Variants in CHD7 observed in about 807,000 individuals in gnomAD.
The protein encoded by CHD7 is chromodomain helicase DNA binding protein 7.
A neutral mutation model predicts 307.3 loss-of-function variants in CHD7; 24 were observed. The observed-to-expected ratio is 0.08, with a 90% confidence interval of 0.06 to 0.11. The LOEUF (loss-of-function observed/expected upper bound fraction) is 0.11, where lower values mean the gene tolerates loss of function less well. Among genes scored for constraint, CHD7 ranks in the 10% least tolerant of loss-of-function variants. The probability of loss-of-function intolerance (pLI) is 1.00; values close to 1 mark genes in which losing one functional copy is unlikely to be tolerated. For missense variants in CHD7, 3,106 were observed against 3,727.1 expected (o/e 0.83, Z 4.34); for synonymous variants, 1,363 against 1,349.9 (o/e 1.01, Z -0.21).
In CHD7 at chr8:60,743,017, C is replaced by T. The variant is rs1412919986; in HGVS notation, c.1585C>T (p.Pro529Ser). Reference sequence around the variant, plus strand: ...CCCGGGCTTGCACCACCAGTCTTCACCTCCACACCCTCATCACCAGCCTTG... The same window carrying T: ...CCCGGGCTTGCACCACCAGTCTTCATCTCCACACCCTCATCACCAGCCTTG... ...PHPGLHHQSS[P>S]PHPHHQPWAQ... Residue 529 changes from proline (P) to serine (S), a missense_variant, in exon 2 of 38, where the codon CCT becomes TCT. Pro to Ser is a moderately conservative substitution (Grantham distance 74). Around this residue, in one of 10 missense-constraint regions of CHD7, gnomAD observed 998 missense variants for 1,004.5 expected, o/e 0.99. Coordinates refer to ENST00000423902, the MANE Select transcript of CHD7 (RefSeq NM_017780.4). 2.5e-6 allele frequency: 4 copies of T among 1,613,962 alleles called. No individual in the cohort carries two copies. The highest frequency in any genetic ancestry group is 2.2e-5 in the East Asian group (1 of 44,880).
intron 17 of CHD7, 59 bp from the exon 18 acceptor site, chr8:60,837,609 G>T (rs1458596413): frequency 7.2e-7 from 1 of 1,381,646 alleles, no homozygotes; most frequent in Non-Finnish European, 9.8e-7. Flanking sequence ...TATGAATTTG[G>T]TGGGGAGACA....
intron 1 of CHD7, among the ~76,000 whole-genome samples, chr8:60,735,303 C>T (rs1808648672): frequency 6.6e-6 from 1 of 152,164 alleles, no homozygotes; most frequent in Admixed American, 6.5e-5. Context: ...CGTAGCGTTG[C>T]CCTATACGAT....
intron 13 of CHD7, among the ~76,000 whole-genome samples, chr8:60,828,342 C>T (rs1027580328): frequency 6.6e-6 from 1 of 152,104 alleles, no homozygotes; most frequent in African/African-American, 2.4e-5. Context: ...AGGAAAAAAA[C>T]TTAACTGGTG....
chr8:60,845,154 C>T (rs1373831583), intron 22 of CHD7, 91 bp downstream of exon 22: 19 of 1,569,344 alleles, frequency 1.2e-5, no homozygotes, highest in Non-Finnish European at 1.5e-5. Flanking sequence ...GTGACATAAA[C>T]CCCATATTTC....
Position 60,774,486 on chromosome 8 carries a change from T to C in CHD7, c.1666-6514T>C, listed in dbSNP as rs1001722952. Among the ~76,000 whole-genome samples the C allele has an allele frequency of 2.6e-5, 4 of 152,228 alleles. No homozygotes were observed. The East Asian group carries it at 7.7e-4, about 29-fold the overall frequency. The stretch of plus-strand genomic sequence containing the variant: ...TGCTGTCTCTCTGCTCAGCACCCTC[T>C]TCCCATTGCCCTAGAAGGGCCAGGC... On this transcript the variant is annotated intron_variant, in intron 2 of 37. Coordinates refer to ENST00000423902, the MANE Select transcript of CHD7 (RefSeq NM_017780.4).
At chr8:60,686,013 A>G (rs541656904) in intron 1 of CHD7, among the ~76,000 whole-genome samples, 1 of 152,214 alleles carries the variant, frequency 6.6e-6, no homozygotes, top group East Asian at 1.9e-4. Flanking sequence ...CCTGGGACTC[A>G]GTGTCTTTAA....
At chr8:60,800,188 G>C (rs949424611) in intron 4 of CHD7, among the ~76,000 whole-genome samples, 200 bp from the exon 5 acceptor site, 2 of 151,920 alleles carry the variant, frequency 1.3e-5, no homozygotes, top group Non-Finnish European at 2.9e-5. Flanking sequence ...CCGCCACCAC[G>C]CCCGGCTAAT....
intron 9 of CHD7, 105 bp from the exon 10 acceptor site, chr8:60,821,685 C>T (rs1259699672): frequency 3.5e-6 from 3 of 860,604 alleles, no homozygotes; most frequent in East Asian, 2.8e-5. Flanking sequence ...CATATATATA[C>T]ACACATACAT....
intron 19 of CHD7, among the ~76,000 whole-genome samples, chr8:60,838,845 C>G (rs1227751270): frequency 1.3e-5 from 2 of 152,188 alleles, no homozygotes; most frequent in Non-Finnish European, 2.9e-5. Flanking sequence ...CCTGAGAGCC[C>G]CTTCTGAGGT....
At chr8:60,822,462 C>G in intron 11 of CHD7, 41 bp from the exon 12 acceptor site, 1 of 1,595,414 alleles carries the variant, frequency 6.3e-7, no homozygotes, top group Non-Finnish European at 8.6e-7. Context: ...TGTGTCATAT[C>G]CATACTCATT....
In CHD7 at chr8:60,865,053, C is replaced by A. The variant is rs1806175339; in HGVS notation, c.8114C>A (p.Thr2705Asn). Reference sequence around the variant, plus strand: ...GAGTCGATGTTTGACCGCCTTCTCACTGGGCCTGTAGTGCGGGGAGAGGGA... The same window carrying A: ...GAGTCGATGTTTGACCGCCTTCTCAATGGGCCTGTAGTGCGGGGAGAGGGA... Reference protein sequence around the residue: ...VPESMFDRLLTGPVVRGEGAS... With the variant: ...VPESMFDRLLNGPVVRGEGAS... Residue 2705 changes from threonine (T) to asparagine (N), a missense_variant, in exon 38 of 38, where the codon ACT becomes AAT. Thr to Asn is a moderately conservative substitution (Grantham distance 65, BLOSUM62 0). Around this residue, in one of 10 missense-constraint regions of CHD7, gnomAD observed 59 missense variants for 106.2 expected, o/e 0.56. Coordinates refer to ENST00000423902, the MANE Select transcript of CHD7 (RefSeq NM_017780.4). This position sits in a 1 kb window ranked among gnomAD's most constrained non-coding sequence, Gnocchi z 4.3. 6.2e-7 allele frequency: 1 copy of A among 1,608,178 alleles called. No individual in the cohort carries two copies. Among genetic ancestry groups the A allele is most frequent in the Admixed American group, 1.7e-5 (1 of 59,224 alleles).
chr8:60,752,136 C>T lies in CHD7; in HGVS notation c.1665+9039C>T, dbSNP rs1446401560. ...TACCATAGGTTTCGGGAGTCCTAGA[C>T]GTTAACCTTAACTATGTTAACTGTG... On this transcript the variant is annotated intron_variant, in intron 2 of 37. Transcript: ENST00000423902. Among the ~76,000 whole-genome samples the T allele has an allele frequency of 5.3e-5, 8 of 152,184 alleles. No homozygotes were observed. In the East Asian group the frequency reaches 9.6e-4, roughly 18 times the overall value.
At chr8:60,825,495 G>GT (rs1188750014) in intron 13 of CHD7, 1 of 152,192 alleles carries the variant, frequency 6.6e-6, no homozygotes, top group Admixed American at 6.5e-5. Context: ...AGGGACCTTG[G>GT]TAAGCATATG....
intron 2 of CHD7, among the ~76,000 whole-genome samples, chr8:60,744,115 T>A (rs1041794189): frequency 6.6e-6 from 1 of 152,200 alleles, no homozygotes; most frequent in African/African-American, 2.4e-5. Context: ...GGCTAGGCCT[T>A]ACCCCGGGGA....
At position 60,853,007 on chromosome 8, in the gene CHD7, A is replaced by G. The variant is rs41312172; in HGVS notation, c.6282A>G (p.Gly2094=). The G allele has an allele frequency of 6.7e-3, 10,776 of 1,613,962 alleles. 36 individuals are homozygous for G. The highest frequency in any genetic ancestry group is 8.2e-3 in the Non-Finnish European group (9,679 of 1,179,876). The change falls in exon 31 of 38, where the codon GGA becomes GGG. Residue 2094 remains glycine, a synonymous_variant. Coordinates refer to ENST00000423902, the MANE Select transcript of CHD7 (RefSeq NM_017780.4). ...SLDLPEWWEC[G]RHDRDLLVGA... The stretch of plus-strand genomic sequence containing the variant: ...ATCTGCCAGAGTGGTGGGAGTGTGG[A>G]CGGCATGACCGAGACTTGCTGGTTG...
chr8:60,761,124 A>C (rs1454440716), intron 2 of CHD7, among the ~76,000 whole-genome samples: 1 of 152,048 alleles, frequency 6.6e-6, no homozygotes, highest in Non-Finnish European at 1.5e-5. Context: ...TGGATTAAGA[A>C]AATGTGGCAC....
intron 24 of CHD7, 107 bp from the exon 25 acceptor site, chr8:60,848,944 A>G (rs867315218): frequency 3.5e-5 from 32 of 906,970 alleles, no homozygotes; most frequent in Middle Eastern, 5.0e-4. Flanking sequence ...CCTCCCCACC[A>G]TGCTCAGATG....
chr8:60,769,459 T>C (rs1454774501), intron 2 of CHD7, among the ~76,000 whole-genome samples: 1 of 152,210 alleles, frequency 6.6e-6, no homozygotes, highest in African/African-American at 2.4e-5. Context: ...TGTGTGCCTA[T>C]TGAAGATACG....
Position 60,759,196 on chromosome 8 carries a change from A to G in CHD7, c.1665+16099A>G, listed in dbSNP as rs76460542. ...AAATTGAAAACCCATTTTTATCTAG[A>G]AAAAAAATCTAACTGTGTTTGGGAG... On this transcript the variant is annotated intron_variant, in intron 2 of 37. Transcript: ENST00000423902. Among the ~76,000 whole-genome samples the G allele has an allele frequency of 6.3e-3, 960 of 152,176 alleles. 10 individuals are homozygous for G. Among genetic ancestry groups the G allele is most frequent in the East Asian group, 0.014 (75 of 5,174 alleles).
Sources: allele counts gnomAD v4.1 joint callset (sites outside exome capture counted in the v4.1 genomes callset), GRCh38; gene constraint gnomAD v4.1.1; regional missense constraint gnomAD v4.1.1; non-coding constraint Gnocchi (gnomAD v3.1); transcripts MANE v1.5; gene names NCBI Gene and HGNC (gene_info 2026-07-23, HGNC 2026-07-21).